JMJD1C: variants seen among roughly 807,000 people sequenced by gnomAD.
The protein encoded by JMJD1C is jumonji domain-containing protein 1C.
Under a neutral mutation model 245.3 loss-of-function variants are expected in JMJD1C, and 31 were observed. The ratio of observed to expected loss-of-function variants is 0.13; its 90% confidence interval spans 0.09 to 0.17. The LOEUF is 0.17. JMJD1C is among the 10% of genes least tolerant of loss of function. JMJD1C has a pLI of 1.00. For synonymous variants in JMJD1C, 1,057 were observed against 1,017.4 expected, an observed-to-expected ratio of 1.04 and a Z score of -0.74; for missense variants, 2,691 against 3,000.2, an observed-to-expected ratio of 0.90 and a Z score of 2.41.
intron 1 of JMJD1C, among the ~76,000 whole-genome samples, chr10:63,419,838 A>T (rs372001296): frequency 0.14 from 19,440 of 139,544 alleles, 3,124 homozygotes; most frequent in African/African-American, 0.45. Context: ...ATGAAATAAA[A>T]AAAAAAAAAA....
At chr10:63,194,543 T>C (rs1007187703) in intron 13 of JMJD1C, 168 bp from the exon 14 acceptor site, 11 of 506,760 alleles carry the variant, frequency 2.2e-5, no homozygotes, top group African/African-American at 1.9e-4. Context: ...TGATATGCTT[T>C]AGATGTTTGG....
At chr10:63,233,248 T>A (rs1266644407) in intron 3 of JMJD1C, among the ~76,000 whole-genome samples, 1 of 152,196 alleles carries the variant, frequency 6.6e-6, no homozygotes, top group Non-Finnish European at 1.5e-5. Context: ...GTCTAAAATA[T>A]GCTCAACTGA....
intron 1 of JMJD1C, among the ~76,000 whole-genome samples, chr10:63,407,583 A>T (rs1287856238): frequency 6.6e-6 from 1 of 152,198 alleles, no homozygotes; most frequent in African/African-American, 2.4e-5. Flanking sequence ...TTTTAGTGTT[A>T]CTCTATTACA....
intron 1 of JMJD1C, among the ~76,000 whole-genome samples, chr10:63,431,995 A>C (rs1271712774): frequency 1.3e-5 from 2 of 152,200 alleles, no homozygotes; most frequent in African/African-American, 4.8e-5. Context: ...CTGGCGACAG[A>C]GCAAGACTCC....
intron 22 of JMJD1C, among the ~76,000 whole-genome samples, chr10:63,179,255 C>T (rs985650238): frequency 1.3e-5 from 2 of 151,512 alleles, no homozygotes; most frequent in African/African-American, 4.9e-5. Context: ...ACTAAAAATA[C>T]AAAATTAGCT....
At chr10:63,503,528 T>G (rs1954625743) in intron 1 of JMJD1C, among the ~76,000 whole-genome samples, 1 of 152,150 alleles carries the variant, frequency 6.6e-6, no homozygotes, top group Admixed American at 6.5e-5. Flanking sequence ...GCTAAAGGTT[T>G]CTATACCAGT....
intron 1 of JMJD1C, among the ~76,000 whole-genome samples, chr10:63,512,792 T>C (rs1954910132): frequency 6.6e-6 from 1 of 152,182 alleles, no homozygotes; most frequent in Non-Finnish European, 1.5e-5. Flanking sequence ...TCCTTTCTTT[T>C]TTTCTGCTGC....
chr10:63,407,716 C>T (rs1373058022), intron 1 of JMJD1C, among the ~76,000 whole-genome samples: 6 of 126,650 alleles, frequency 4.7e-5, no homozygotes, highest in South Asian at 2.4e-4. Flanking sequence ...GAGAAGAAAA[C>T]AAAACATTAA....
rs763922238 is a variant in JMJD1C, at chr10:63,207,040, T to C, written c.4629A>G (p.Gln1543=). ...TTTTCAGTTTAGTATGGTAGTTTGG[T>C]TGACTTGTCTGGGAAGCTTGCCCAT... The part of the protein sequence containing the change: ...VGNGQASQTS[Q]PNYHTKLKKA... The change falls in exon 10 of 26, where the codon CAA becomes CAG. Residue 1543 remains glutamine (Q), a synonymous_variant. Transcript: ENST00000399262. 1.9e-6 allele frequency: 3 copies of C among 1,614,202 alleles called. No individual in the cohort carries two copies. Among genetic ancestry groups the C allele is most frequent in the South Asian group, 2.2e-5 (2 of 91,070 alleles).
At chr10:63,499,494 T>C (rs1284664392) in intron 1 of JMJD1C, among the ~76,000 whole-genome samples, 1 of 152,178 alleles carries the variant, frequency 6.6e-6, no homozygotes, top group Non-Finnish European at 1.5e-5. Flanking sequence ...GTAAAATGTA[T>C]AGGCAAGACT....
At chr10:63,210,338 GAT>G (rs1234792040) in intron 8 of JMJD1C, among the ~76,000 whole-genome samples, 4 of 152,000 alleles carry the variant, frequency 2.6e-5, no homozygotes, top group Admixed American at 2.6e-4. Context: ...TAGGGGGTAA[GAT>G]ATTTTTATTT....
intron 3 of JMJD1C, among the ~76,000 whole-genome samples, chr10:63,231,513 GC>G (rs980383126): frequency 1.3e-5 from 2 of 152,148 alleles, no homozygotes; most frequent in African/African-American, 4.8e-5. Flanking sequence ...AAGGAAATAG[GC>G]CGGGCACAGT....
At chr10:63,349,364 CT>C (rs1161210402) in intron 2 of JMJD1C, among the ~76,000 whole-genome samples, 1 of 152,320 alleles carries the variant, frequency 6.6e-6, no homozygotes, top group East Asian at 1.9e-4. Flanking sequence ...GAGCAAAAGT[CT>C]GTTAACAGAA....
intron 2 of JMJD1C, among the ~76,000 whole-genome samples, chr10:63,335,023 G>GAA (rs139232339): frequency 0.21 from 21,137 of 100,126 alleles, 3,133 homozygotes; most frequent in Non-Finnish European, 0.28. Context: ...TCTGTCTTTG[G>GAA]AAAAAAATAA....
chr10:63,221,415 G>A (rs935750699), intron 3 of JMJD1C, among the ~76,000 whole-genome samples: 1 of 152,088 alleles, frequency 6.6e-6, no homozygotes, highest in East Asian at 1.9e-4. Context: ...AAGCCAACAG[G>A]CCAAAGTAAG....
intron 10 of JMJD1C, chr10:63,204,675 A>C: frequency 1.0e-6 from 1 of 985,424 alleles, no homozygotes; most frequent in Non-Finnish European, 1.2e-6. Context: ...TCCAATATTC[A>C]AGTAAATGGC....
intron 18 of JMJD1C, among the ~76,000 whole-genome samples, chr10:63,188,922 G>A (rs1378305585): frequency 3.3e-5 from 5 of 152,122 alleles, no homozygotes; most frequent in African/African-American, 9.7e-5. Flanking sequence ...TGTCTGTTCT[G>A]ATAGATCAAA....
chr10:63,409,913 C>T (rs1333254607), intron 1 of JMJD1C, among the ~76,000 whole-genome samples: 1 of 151,824 alleles, frequency 6.6e-6, no homozygotes, highest in Non-Finnish European at 1.5e-5. Flanking sequence ...TTTCCTTTTG[C>T]ATAAGGAGTC....
intron 1 of JMJD1C, among the ~76,000 whole-genome samples, chr10:63,517,786 CTTTTTT>C (rs11361305): frequency 1.4e-5 from 1 of 72,542 alleles, no homozygotes; most frequent in Admixed American, 1.6e-4. Context: ...CTAATGGCCA[CTTTTTT>C]TTTTTTTTTT....
Sources: allele counts gnomAD v4.1 joint callset (sites outside exome capture counted in the v4.1 genomes callset), GRCh38; gene constraint gnomAD v4.1.1; transcripts MANE v1.5; gene names NCBI Gene and HGNC (gene_info 2026-07-23, HGNC 2026-07-21).